The following RFWD3 variants were observed in gnomAD, a reference collection of about 807,000 sequenced individuals.
The protein encoded by RFWD3 is ring finger and WD repeat domain 3.
Under a neutral mutation model 87.7 loss-of-function variants are expected in RFWD3, and 65 were observed. The observed-to-expected ratio is 0.74, with a 90% CI of 0.61 to 0.91. RFWD3 has a LOEUF of 0.91. Among genes scored for constraint, RFWD3 ranks in the 40% least tolerant of loss-of-function variants. The pLI, the probability that RFWD3 is intolerant of heterozygous loss-of-function variation, is 0.00. For synonymous variants in RFWD3, 433 were observed against 352.8 expected, an observed-to-expected ratio of 1.23 and a Z score of -2.55; for missense variants, 1,078 against 938.5, an observed-to-expected ratio of 1.15 and a Z score of -1.94.
chr16:74,651,608 G>A (rs1212729742), intron 3 of RFWD3, among the ~76,000 whole-genome samples: 1 of 152,140 alleles, frequency 6.6e-6, no homozygotes, highest in Non-Finnish European at 1.5e-5. Context: ...CTGGGGGACA[G>A]AGCCAGACCT....
Position 74,649,125 on chromosome 16 carries a change from A to T in RFWD3, c.792+7T>A. ...AATAGATTTTTTTAAAATGATGTTC[A>T]TATTACCTGTTTGGGGAGGGTCTTG... On this transcript the variant is annotated splice_region_variant and intron_variant, in intron 4 of 12. Coordinates refer to ENST00000361070, the MANE Select transcript of RFWD3 (RefSeq NM_018124.4). 1 of 1,556,144 alleles carries T rather than the reference A, an allele frequency of 6.4e-7. No individual in the cohort carries two copies. The highest frequency in any genetic ancestry group is 2.4e-5 in the East Asian group (1 of 41,948).
intron 10 of RFWD3, among the ~76,000 whole-genome samples, chr16:74,630,400 A>G (rs1399489439): frequency 6.6e-6 from 1 of 152,244 alleles, no homozygotes. Flanking sequence ...ACCCAGCGAC[A>G]TGTGGCTATT....
intron 2 of RFWD3, among the ~76,000 whole-genome samples, chr16:74,652,760 T>G (rs1196251403): frequency 6.6e-6 from 1 of 152,218 alleles, no homozygotes; most frequent in Admixed American, 6.5e-5. Flanking sequence ...ACCACTACTG[T>G]ACCTCAGTTT....
chr16:74,651,865 A>G, intron 3 of RFWD3, 55 bp downstream of exon 3: 1 of 1,519,648 alleles, frequency 6.6e-7, no homozygotes, highest in Non-Finnish European at 9.0e-7. Flanking sequence ...GCCTTCCGAA[A>G]TTTAAGCTTC....
intron 2 of RFWD3, among the ~76,000 whole-genome samples, chr16:74,657,479 T>TTC (rs1961085008): frequency 7.1e-5 from 1 of 14,054 alleles, no homozygotes; most frequent in Admixed American, 9.1e-4. Flanking sequence ...TTTCTTTTTC[T>TTC]TTTTTTTTTT....
At chr16:74,647,295 A>ATT (rs558356837) in intron 4 of RFWD3, among the ~76,000 whole-genome samples, 1 of 149,510 alleles carries the variant, frequency 6.7e-6, no homozygotes, top group Non-Finnish European at 1.5e-5. Context: ...TGTTATTTTT[A>ATT]TTTTTTTTTT....
At chr16:74,654,962 C>G (rs1386860592) in intron 2 of RFWD3, among the ~76,000 whole-genome samples, 1 of 152,158 alleles carries the variant, frequency 6.6e-6, no homozygotes, top group African/African-American at 2.4e-5. Context: ...GAGGCTGGTT[C>G]ATGAGGTTTA....
chr16:74,661,108 T>C lies in RFWD3; in HGVS notation c.342A>G (p.Ala114=), dbSNP rs145310076. 6 of 1,614,122 alleles carry C rather than the reference T, an allele frequency of 3.7e-6. No homozygotes were observed. The African/African-American group carries it at 6.7e-5, about 18-fold the overall frequency. The change falls in exon 2 of 13, where the codon GCA becomes GCG. Residue 114 remains alanine, a synonymous_variant. Coordinates refer to ENST00000361070, the MANE Select transcript of RFWD3 (RefSeq NM_018124.4). ...AGTTGGTCATTGAATGCAACGAAGATGCTGGGATGGTGTGATTACCATCAG... is the reference window on the plus strand; with the variant it reads ...AGTTGGTCATTGAATGCAACGAAGACGCTGGGATGGTGTGATTACCATCAG... ...QGSDGNHTIP[A]SSLHSMTNFI...
At chr16:74,639,098 G>C (rs1959408907) in intron 6 of RFWD3, among the ~76,000 whole-genome samples, 1 of 149,478 alleles carries the variant, frequency 6.7e-6, no homozygotes. Context: ...CAGAGCAGTG[G>C]CGTGATCCAG....
chr16:74,636,468 T>G lies in RFWD3; in HGVS notation c.1304A>C (p.Lys435Thr), dbSNP rs575485124. The part of the protein sequence containing the change: ...SPSSQGQHKH[K>T]YHFQKTFTVS... ...TGTGAAGGTCTTTTGGAAGTGGTACTTGTGCTTGTGCTGGCCCTGGCTGGA... is the reference window on the plus strand; with the variant it reads ...TGTGAAGGTCTTTTGGAAGTGGTACGTGTGCTTGTGCTGGCCCTGGCTGGA... The change falls in exon 8 of 13, where the codon AAG becomes ACG. Residue 435 changes from lysine to threonine, a missense_variant. Transcript: ENST00000361070. 3.0e-5 allele frequency: 48 copies of G among 1,614,150 alleles called. No homozygotes were observed. Among genetic ancestry groups the G allele is most frequent in the Admixed American group, 1.5e-4 (9 of 60,010 alleles).
rs1353001335 is a variant in RFWD3, at chr16:74,661,121, T to C, written c.329A>G (p.His110Arg). Residue 110 changes from histidine (H) to arginine (R), a missense_variant, in exon 2 of 13, where the codon CAC becomes CGC. By Grantham distance (29) the His-to-Arg change is conservative. Transcript: ENST00000361070. Reference sequence around the variant, plus strand: ...ATGCAACGAAGATGCTGGGATGGTGTGATTACCATCAGATCCCTGCCTATG... The same window carrying C: ...ATGCAACGAAGATGCTGGGATGGTGCGATTACCATCAGATCCCTGCCTATG... ...EQHRQGSDGN[H>R]TIPASSLHSM... is the part of the protein sequence containing the mutation. 2.5e-6 allele frequency: 4 copies of C among 1,614,196 alleles called. No individual in the cohort carries two copies. Among genetic ancestry groups the C allele is most frequent in the Non-Finnish European group, 2.5e-6 (3 of 1,180,008 alleles).
chr16:74,664,969 C>T (rs1419099713), intron 1 of RFWD3, among the ~76,000 whole-genome samples: 1 of 152,166 alleles, frequency 6.6e-6, no homozygotes, highest in Non-Finnish European at 1.5e-5. Flanking sequence ...AGACCATGGG[C>T]TGGGCACCCC....
intron 2 of RFWD3, among the ~76,000 whole-genome samples, chr16:74,655,805 C>T (rs561893175): frequency 1.3e-5 from 2 of 152,116 alleles, no homozygotes; most frequent in Admixed American, 6.6e-5. Context: ...GGATTACAGG[C>T]GTGAGCCACC....
chr16:74,624,103 A>G, intron 12 of RFWD3, 32 bp from the exon 13 acceptor site: 2 of 1,608,198 alleles, frequency 1.2e-6, no homozygotes, highest in East Asian at 2.2e-5. Context: ...AAGGGTCAGG[A>G]GTCAGTCAGT....
chr16:74,642,762 G>T (rs1342712194), intron 6 of RFWD3, among the ~76,000 whole-genome samples: 3 of 152,042 alleles, frequency 2.0e-5, no homozygotes, highest in Non-Finnish European at 2.9e-5. Context: ...CAAAGTGCTG[G>T]GATTACAGGC....
intron 2 of RFWD3, among the ~76,000 whole-genome samples, chr16:74,653,369 A>T (rs1419620156): frequency 6.6e-6 from 1 of 151,794 alleles, no homozygotes; most frequent in Non-Finnish European, 1.5e-5. Context: ...ACACCCAAAA[A>T]ACTTGGGAGG....
rs1961267405 is a variant in RFWD3 at position 74,659,576 on chromosome 16, CAGA to C, written c.518+1353_518+1355del. ...CGCCACTGCACTCCAGCCTGAGTGA[CAGA>C]GCAAGACTCTTGTCTTAAAAACAAA... On this transcript the variant is annotated intron_variant, in intron 2 of 12. Coordinates refer to ENST00000361070, the MANE Select transcript of RFWD3 (RefSeq NM_018124.4). Among the ~76,000 whole-genome samples, 4 of 148,578 alleles carry C rather than the reference CAGA, an allele frequency of 2.7e-5. No individual in the cohort carries two copies. The Admixed American group carries it at 2.7e-4, about 10-fold the overall frequency.
intron 8 of RFWD3, among the ~76,000 whole-genome samples, chr16:74,635,959 T>G (rs1391507748): frequency 6.6e-6 from 1 of 152,262 alleles, no homozygotes; most frequent in African/African-American, 2.4e-5. Flanking sequence ...ACTTGAACAC[T>G]ATTGTAAGTA....
Position 74,636,469 on chromosome 16 carries a change from T to A in RFWD3, c.1303A>T (p.Lys435Ter). The A allele has an allele frequency of 6.2e-7, 1 of 1,614,164 alleles. No homozygotes were observed. Among genetic ancestry groups the A allele is most frequent in the South Asian group, 1.1e-5 (1 of 91,080 alleles). ...GTGAAGGTCTTTTGGAAGTGGTACT[T>A]GTGCTTGTGCTGGCCCTGGCTGGAG... Reference protein sequence around the residue: ...SPSSQGQHKHKYHFQKTFTVS... With the variant: ...SPSSQGQHKH Residue 435 changes from lysine to a stop codon, truncating the protein, a stop_gained, in exon 8 of 13, where the codon AAG becomes TAG. Coordinates refer to ENST00000361070, the MANE Select transcript of RFWD3 (RefSeq NM_018124.4). LOFTEE classifies it high-confidence loss of function.
Sources: allele counts gnomAD v4.1 joint callset (sites outside exome capture counted in the v4.1 genomes callset), GRCh38; gene constraint gnomAD v4.1.1; transcripts MANE v1.5; gene names NCBI Gene and HGNC (gene_info 2026-07-23, HGNC 2026-07-21).